OCA2: variants seen among roughly 807,000 people sequenced by gnomAD.
The protein encoded by OCA2 is OCA2 melanosomal transmembrane protein, also known as P protein.
In OCA2, 77 loss-of-function variants were observed where a neutral mutation model predicts 100.2. The observed-to-expected ratio is 0.77, with a 90% CI of 0.64 to 0.93. The LOEUF (loss-of-function observed/expected upper bound fraction) is 0.93, where lower values mean the gene tolerates loss of function less well. Among genes scored for constraint, OCA2 ranks in the 40% least tolerant of loss-of-function variants. The pLI, the probability that OCA2 is intolerant of heterozygous loss-of-function variation, is 0.00. For missense variants in OCA2, 1,062 were observed against 1,089.1 expected (o/e 0.98, Z 0.35); for synonymous variants, 432 against 439.2 (o/e 0.98, Z 0.21).
chr15:27,964,096 A>G (rs2040488685), intron 15 of OCA2, among the ~76,000 whole-genome samples: 1 of 152,248 alleles, frequency 6.6e-6, no homozygotes, highest in Admixed American at 6.5e-5. Flanking sequence ...ATATTAAGGG[A>G]TTTGAATTTG....
At chr15:28,077,544 G>C (rs1270236024) in intron 2 of OCA2, among the ~76,000 whole-genome samples, 1 of 152,202 alleles carries the variant, frequency 6.6e-6, no homozygotes, top group Non-Finnish European at 1.5e-5. Flanking sequence ...CAGCGTTCCA[G>C]GGCTGGACAT....
intron 18 of OCA2, among the ~76,000 whole-genome samples, chr15:27,939,305 G>A (rs1358742300): frequency 6.6e-6 from 1 of 152,210 alleles, no homozygotes; most frequent in African/African-American, 2.4e-5. Flanking sequence ...TGTTGGCCAT[G>A]TTTATGATGA....
chr15:27,722,632 C>T, the OCA2 span, among the ~76,000 whole-genome samples: 1 of 87,544 alleles, frequency 1.1e-5, no homozygotes, highest in Non-Finnish European at 2.7e-5. Context: ...TCCCTTCCTT[C>T]CTTTCCTTCC....
intron 18 of OCA2, among the ~76,000 whole-genome samples, chr15:27,949,097 T>A (rs2039944232): frequency 6.6e-6 from 1 of 151,472 alleles, no homozygotes; most frequent in African/African-American, 2.4e-5. Context: ...AAAAAAAAAA[T>A]AAAGAGAAAG....
chr15:28,082,416 A>C (rs2044672443), intron 1 of OCA2, among the ~76,000 whole-genome samples: 1 of 152,102 alleles, frequency 6.6e-6, no homozygotes, highest in South Asian at 2.1e-4. Context: ...ACTCACCGGG[A>C]AGGTCTGCAG....
Position 27,770,838 on chromosome 15 carries a change from C to CAT in OCA2, c.2433-15367_2433-15366insAT, listed in dbSNP as rs1566948902. Among the ~76,000 whole-genome samples the CAT allele has an allele frequency of 8.6e-5, 11 of 127,982 alleles. No homozygotes were observed. In the East Asian group the frequency reaches 3.4e-3, roughly 40 times the overall value. 84.0% of individuals were successfully genotyped at this position (127,982 alleles called of 152,430 possible). ...CCTCCCTTCCATTCTTCCTTCCTCC[C>CAT]TCTTTTCCTTCCTTCCTTTCTTCCT... On this transcript the variant is annotated intron_variant, in intron 23 of 23. Coordinates refer to ENST00000354638, the MANE Select transcript of OCA2 (RefSeq NM_000275.3).
intron 19 of OCA2, among the ~76,000 whole-genome samples, chr15:27,914,716 CACAA>C (rs2038597745): frequency 6.6e-6 from 1 of 151,966 alleles, no homozygotes; most frequent in Admixed American, 6.6e-5. Flanking sequence ...TCAGTGATGA[CACAA>C]ACAAATGGAA....
At position 27,951,858 on chromosome 15, in the gene OCA2, CA is replaced by C; in HGVS notation, c.1876del (p.Cys626AlafsTer2). 1 of 1,614,012 alleles carries C rather than the reference CA, an allele frequency of 6.2e-7. No homozygotes were observed. The highest frequency in any genetic ancestry group is 8.5e-7 in the Non-Finnish European group (1 of 1,179,874). ...RISDGILLAK[C>X]LTVLGFVIFM... Reference sequence around the variant, plus strand: ...GATAACAAATCCCAACACTGTCAGGCATTTGGCGAGCAGAATCCCGTCAGAT... The same window carrying C: ...GATAACAAATCCCAACACTGTCAGGCTTTGGCGAGCAGAATCCCGTCAGAT... On this transcript the variant is annotated frameshift_variant, in exon 18 of 24. Transcript: ENST00000354638. LOFTEE classifies it high-confidence loss of function.
intron 19 of OCA2, chr15:27,896,431 T>C (rs1363925210): frequency 2.0e-5 from 14 of 694,062 alleles, no homozygotes; most frequent in South Asian, 4.4e-5. Context: ...CATGCTGCTA[T>C]ATGAGAGAAT....
At chr15:27,891,121 T>C (rs574986807) in intron 19 of OCA2, among the ~76,000 whole-genome samples, 1 of 152,024 alleles carries the variant, frequency 6.6e-6, no homozygotes, top group African/African-American at 2.4e-5. Context: ...TCCCTATGAG[T>C]TGTATAGATC....
chr15:27,772,984 A>G (rs2031979077), intron 23 of OCA2, among the ~76,000 whole-genome samples: 1 of 152,042 alleles, frequency 6.6e-6, no homozygotes, highest in Admixed American at 6.5e-5. Flanking sequence ...GATTAAATTC[A>G]TTTTCTCTAT....
rs879235512 is a variant in OCA2, at chr15:27,849,145, G to C, written c.2338+2237C>G. ...ACAGCCACGTGCTGCCTGGGTTGGT[G>C]TGAACACAGCCACATGCTGCCTGGA... On this transcript the variant is annotated intron_variant, in intron 22 of 23. Transcript: ENST00000354638. Among the ~76,000 whole-genome samples the C allele has an allele frequency of 5.3e-3, 708 of 133,454 alleles. 56 individuals carry two copies. The highest frequency in any genetic ancestry group is 0.018 in the African/African-American group (503 of 28,110). 87.6% of individuals were successfully genotyped at this position (133,454 alleles called of 152,430 possible).
intron 2 of OCA2, among the ~76,000 whole-genome samples, chr15:28,063,146 C>T (rs982954373): frequency 5.9e-5 from 9 of 152,172 alleles, no homozygotes; most frequent in Admixed American, 6.5e-5. Flanking sequence ...GATGAATTGA[C>T]ACTTTTATTA....
chr15:27,980,628 A>G (rs978785997), intron 14 of OCA2, among the ~76,000 whole-genome samples: 1 of 152,166 alleles, frequency 6.6e-6, no homozygotes, highest in Non-Finnish European at 1.5e-5. Context: ...TTTTTTGTAC[A>G]TAAGAAAAAG....
intron 2 of OCA2, among the ~76,000 whole-genome samples, chr15:28,058,948 G>A (rs1277598279): frequency 6.6e-6 from 1 of 152,194 alleles, no homozygotes; most frequent in Admixed American, 6.5e-5. Flanking sequence ...AGGTCCCCAA[G>A]GGCCCCGCAG....
At chr15:27,821,739 A>G (rs2034516232) in intron 23 of OCA2, among the ~76,000 whole-genome samples, 1 of 152,140 alleles carries the variant, frequency 6.6e-6, no homozygotes, top group African/African-American at 2.4e-5. Context: ...ATACATGCAT[A>G]CATATAAGCT....
chr15:27,738,449 C>T, the OCA2 span, among the ~76,000 whole-genome samples: 5 of 152,166 alleles, frequency 3.3e-5, no homozygotes, highest in Non-Finnish European at 7.3e-5. Flanking sequence ...AGAAGCTCAA[C>T]GCCGGGCCGG....
chr15:27,774,300 G>C (rs1466197849), intron 23 of OCA2, among the ~76,000 whole-genome samples: 1 of 152,256 alleles, frequency 6.6e-6, no homozygotes, highest in Non-Finnish European at 1.5e-5. Flanking sequence ...CAGTGAGGAA[G>C]AGAGTCCATG....
At chr15:27,739,440 CTTTTTTTTT>C in the OCA2 span, among the ~76,000 whole-genome samples, 36,192 of 101,972 alleles carry the variant, frequency 0.35, 5,556 homozygotes, top group Non-Finnish European at 0.43. Context: ...TAATTTCTTT[CTTTTTTTTT>C]TTTTTTTTTT....
Sources: gnomAD v4.1 joint callset for allele counts (sites outside exome capture counted in the v4.1 genomes callset) on GRCh38, gnomAD v4.1.1 for gene constraint, MANE v1.5 for transcripts, NCBI Gene and HGNC (gene_info 2026-07-23, HGNC 2026-07-21) for gene names.